Variants in ATP2A2 observed in about 807,000 individuals in gnomAD.
The protein encoded by ATP2A2 is ATPase sarcoplasmic/endoplasmic reticulum Ca2+ transporting 2.
In ATP2A2, 14 loss-of-function variants were observed where a neutral mutation model predicts 109.3. The ratio of observed to expected loss-of-function variants is 0.13; its 90% CI spans 0.08 to 0.20. The LOEUF (loss-of-function observed/expected upper bound fraction) is 0.20, where lower values mean the gene tolerates loss of function less well. ATP2A2 is among the 10% of genes least tolerant of loss of function. ATP2A2 has a pLI of 1.00. For missense variants in ATP2A2, 657 were observed against 1,321.6 expected (o/e 0.50, Z 7.80); for synonymous variants, 506 against 490.9 (o/e 1.03, Z -0.41).
At chr12:110,335,075 G>A (rs754327273) in intron 11 of ATP2A2, among the ~76,000 whole-genome samples, 1 of 152,072 alleles carries the variant, frequency 6.6e-6, no homozygotes, top group African/African-American at 2.4e-5. Context: ...GGGCTCATTC[G>A]ACCAGCATCA....
chr12:110,338,330 C>T (rs1879036388), intron 11 of ATP2A2, among the ~76,000 whole-genome samples: 1 of 152,236 alleles, frequency 6.6e-6, no homozygotes. Context: ...TGAACAGTGG[C>T]CACAGAGCAT....
Position 110,327,415 on chromosome 12 carries a change from C to A in ATP2A2, c.631-138C>A. ...ATTGCTTGTTGTCACAGTTGTATGG[C>A]TGGTTGCTTGAACAGTAGCCAGTGG... On this transcript the variant is annotated intron_variant, in intron 7 of 19. Coordinates refer to ENST00000539276, the MANE Select transcript of ATP2A2 (RefSeq NM_170665.4). The surrounding 1 kb of genome is among the most constrained non-coding windows in gnomAD (Gnocchi z 4.4). 1 of 820,658 alleles carries A rather than the reference C, an allele frequency of 1.2e-6. No homozygotes were observed. Among genetic ancestry groups the A allele is most frequent in the Non-Finnish European group, 2.2e-6 (1 of 464,522 alleles). 50.8% of individuals were successfully genotyped at this position (820,658 alleles called of 1,614,324 possible). A position where few individuals can be genotyped will look rare whatever the true frequency, so the allele number is the denominator to read the frequency against.
chr12:110,344,783 C>A (rs1249606603), intron 16 of ATP2A2, 103 bp from the exon 17 acceptor site: 2 of 1,140,266 alleles, frequency 1.8e-6, no homozygotes, highest in Non-Finnish European at 2.7e-6. Context: ...CATCACTGTC[C>A]CATGTCTTTG....
At position 110,347,898 on chromosome 12, in the gene ATP2A2, T is replaced by C; in HGVS notation, c.*1428T>C. 2 of 995,928 alleles carry C rather than the reference T, an allele frequency of 2.0e-6. No homozygotes were observed. The highest frequency in any genetic ancestry group is 2.4e-6 in the Non-Finnish European group (2 of 836,314). 61.7% of individuals were successfully genotyped at this position (995,928 alleles called of 1,614,324 possible). Reference sequence around the variant, plus strand: ...TATAAGCCGCCTCCATGGCAGATGCTGCTGTGCTCCCTGATGCCCTGTGAG... The same window carrying C: ...TATAAGCCGCCTCCATGGCAGATGCCGCTGTGCTCCCTGATGCCCTGTGAG... On this transcript the variant is annotated 3_prime_UTR_variant, in exon 20 of 20. Transcript: ENST00000539276.
At chr12:110,304,903 C>CT (rs1875101533) in intron 5 of ATP2A2, among the ~76,000 whole-genome samples, 1 of 152,068 alleles carries the variant, frequency 6.6e-6, no homozygotes, top group Non-Finnish European at 1.5e-5. Flanking sequence ...GATCCCAGCA[C>CT]TTTGGGAGGC....
At chr12:110,310,137 C>CT (rs1158018888) in intron 5 of ATP2A2, among the ~76,000 whole-genome samples, 2 of 151,106 alleles carry the variant, frequency 1.3e-5, no homozygotes, top group Admixed American at 6.6e-5. Flanking sequence ...TTTCTGTTTT[C>CT]TTTTTTTCTT....
At chr12:110,335,496 C>G (rs1878755594) in intron 11 of ATP2A2, among the ~76,000 whole-genome samples, 1 of 152,170 alleles carries the variant, frequency 6.6e-6, no homozygotes, top group Admixed American at 6.5e-5. Flanking sequence ...GCCTGGGCAA[C>G]AGAGTCAGAC....
chr12:110,329,079 A>G (rs184502465), intron 8 of ATP2A2, among the ~76,000 whole-genome samples: 1 of 152,238 alleles, frequency 6.6e-6, no homozygotes, highest in African/African-American at 2.4e-5. Context: ...CAAACTCTGC[A>G]GATGCTCAAG....
At chr12:110,281,985 C>T (rs1872145846) in intron 1 of ATP2A2, 78 bp downstream of exon 1, 1 of 1,220,038 alleles carries the variant, frequency 8.2e-7, no homozygotes, top group Non-Finnish European at 1.1e-6. Flanking sequence ...GGCTCCACCT[C>T]GTGGGCTTCG....
At chr12:110,341,432 TA>T (rs1033504079) in intron 14 of ATP2A2, among the ~76,000 whole-genome samples, 12 of 151,556 alleles carry the variant, frequency 7.9e-5, no homozygotes, top group African/African-American at 2.2e-4. Context: ...TCTTCTCTTT[TA>T]AAAAAAAATC....
intron 10 of ATP2A2, among the ~76,000 whole-genome samples, chr12:110,333,655 A>G (rs1344693108): frequency 2.0e-5 from 3 of 152,118 alleles, no homozygotes; most frequent in Non-Finnish European, 4.4e-5. Context: ...CAGAATGTGA[A>G]CTCTTCAGAA....
intron 5 of ATP2A2, among the ~76,000 whole-genome samples, chr12:110,308,538 A>T (rs1371183189): frequency 6.6e-6 from 1 of 152,232 alleles, no homozygotes; most frequent in Non-Finnish European, 1.5e-5. Context: ...AGGCATTTGC[A>T]ACTATTATAT....
At chr12:110,331,356 GT>G (rs1331451887) in intron 8 of ATP2A2, 1 of 152,088 alleles carries the variant, frequency 6.6e-6, no homozygotes, top group Admixed American at 6.5e-5. Context: ...TGTTGTTGCT[GT>G]TATTACGGAG....
chr12:110,289,324 G>T (rs1314334038), intron 3 of ATP2A2, among the ~76,000 whole-genome samples: 1 of 152,110 alleles, frequency 6.6e-6, no homozygotes, highest in African/African-American at 2.4e-5. Flanking sequence ...GCTCTCCTTG[G>T]CAAATGTTTG....
chr12:110,303,496 C>T (rs371963098), intron 5 of ATP2A2, among the ~76,000 whole-genome samples: 3 of 152,136 alleles, frequency 2.0e-5, no homozygotes, highest in East Asian at 3.9e-4. Context: ...CTGCAACCTC[C>T]GACTCCCTGG....
At chr12:110,287,827 G>A (rs1872821130) in intron 3 of ATP2A2, among the ~76,000 whole-genome samples, 1 of 152,008 alleles carries the variant, frequency 6.6e-6, no homozygotes, top group African/African-American at 2.4e-5. Context: ...TGTTGACCAG[G>A]CTGGTCTCCA....
chr12:110,293,367 C>CTTT (rs1178977431), intron 4 of ATP2A2, among the ~76,000 whole-genome samples: 82 of 79,894 alleles, frequency 1.0e-3, no homozygotes, highest in African/African-American at 1.2e-3. Flanking sequence ...CACTCCCGGC[C>CTTT]TTTTTTTTTT....
intron 5 of ATP2A2, among the ~76,000 whole-genome samples, chr12:110,313,662 C>A (rs1271947352): frequency 2.0e-5 from 3 of 149,644 alleles, no homozygotes; most frequent in African/African-American, 7.4e-5. Flanking sequence ...CCTAGATGGG[C>A]AGATTTAACT....
chr12:110,305,692 A>C (rs1875215507), intron 5 of ATP2A2, among the ~76,000 whole-genome samples: 1 of 152,176 alleles, frequency 6.6e-6, no homozygotes. Context: ...AACTTTGTTC[A>C]AGATAATTTT....
Sources: gnomAD v4.1 joint callset for allele counts (sites outside exome capture counted in the v4.1 genomes callset) on GRCh38, gnomAD v4.1.1 for gene constraint, Gnocchi (gnomAD v3.1) non-coding constraint, MANE v1.5 for transcripts, NCBI Gene and HGNC (gene_info 2026-07-23, HGNC 2026-07-21) for gene names.